The following SWT1 variants were observed in gnomAD, a reference collection of about 807,000 sequenced individuals.
The protein encoded by SWT1 is SWT1 RNA endoribonuclease homolog.
SWT1 carries 33 observed loss-of-function variants against 107.3 expected under a neutral mutation model. The ratio of observed to expected loss-of-function variants is 0.31; its 90% CI spans 0.23 to 0.41. The LOEUF is 0.41. SWT1 is among the 10% of genes least tolerant of loss of function. SWT1 has a pLI of 1.00. For missense variants in SWT1, 898 were observed against 1,028.9 expected, an observed-to-expected ratio of 0.87 and a Z score of 1.74; for synonymous variants, 345 against 348.3, an observed-to-expected ratio of 0.99 and a Z score of 0.11.
In SWT1 at chr1:185,252,243, C is replaced by T. The variant is rs1385531052; in HGVS notation, c.2442-19080C>T. On this transcript the variant is annotated intron_variant, in intron 16 of 18. Transcript: ENST00000367500. ...TGTGAATAATGCTGCAATAAACATA[C>T]GTGTGCATGTGTCTTTATAGCAGCA... Among the ~76,000 whole-genome samples the T allele has an allele frequency of 1.8e-4, 27 of 152,140 alleles. No homozygotes were observed. In the East Asian group the frequency reaches 2.7e-3, roughly 15 times the overall value.
At position 185,291,387 on chromosome 1, in the gene SWT1, C is replaced by T. The variant is rs1274275219; in HGVS notation, c.*584C>T. On this transcript the variant is annotated 3_prime_UTR_variant, in exon 19 of 19. Coordinates refer to ENST00000367500, the MANE Select transcript of SWT1 (RefSeq NM_017673.7). ...CTCCTACTTCCTTATACAGCCTTTC[C>T]TTCTGTGGGCTTGTCACTTTTCAGT... 6.6e-6 allele frequency: 1 copy of T among 152,516 alleles called. No individual in the cohort carries two copies. The highest frequency in any genetic ancestry group is 1.5e-5 in the Non-Finnish European group (1 of 68,022). 9.4% of individuals were successfully genotyped at this position (152,516 alleles called of 1,614,324 possible).
Position 185,206,636 on chromosome 1 carries a change from G to A in SWT1, c.1845G>A (p.Leu615=). ...FGNLWMEILY[L]KPPWTLLHLL... is the part of the protein sequence containing the mutation. ...TACATACTCTTTAGATCCTGTACCT[G>A]AAACCACCATGGACTCTACTACATT... The change falls in exon 13 of 19, where the codon CTG becomes CTA. Residue 615 remains leucine, a synonymous_variant. Coordinates refer to ENST00000367500, the MANE Select transcript of SWT1 (RefSeq NM_017673.7). 2 of 1,549,886 alleles carry A rather than the reference G, an allele frequency of 1.3e-6. No individual in the cohort carries two copies. The highest frequency in any genetic ancestry group is 8.7e-7 in the Non-Finnish European group (1 of 1,152,292).
chr1:185,175,228 G>C (rs563994271), intron 5 of SWT1, 115 bp downstream of exon 5: 2 of 963,502 alleles, frequency 2.1e-6, no homozygotes, highest in African/African-American at 1.8e-5. Flanking sequence ...GTTGTTGTTT[G>C]TTTTTTGTTT....
rs556969408 is a variant in SWT1 at position 185,207,046 on chromosome 1, T to A, written c.1972+283T>A. On this transcript the variant is annotated intron_variant, in intron 13 of 18. Coordinates refer to ENST00000367500, the MANE Select transcript of SWT1 (RefSeq NM_017673.7). ...ATTGTGAATATATAATTTTTGATGA[T>A]GTCTACTTTGAAAACTTTTAAAACC... Among the ~76,000 whole-genome samples, 34 of 152,354 alleles carry A rather than the reference T, an allele frequency of 2.2e-4. 1 individual carries two copies. The South Asian group carries it at 6.6e-3, about 30-fold the overall frequency.
chr1:185,158,509 C>CT (rs145202662), intron 1 of SWT1, among the ~76,000 whole-genome samples: 14,945 of 138,166 alleles, frequency 0.11, 1,008 homozygotes, highest in African/African-American at 0.21. Context: ...GTTCTCATTT[C>CT]TTTTTTTTTT....
chr1:185,173,609 T>C lies in SWT1; in HGVS notation c.225-763T>C, dbSNP rs1401840263. 3.3e-5 allele frequency among the ~76,000 whole-genome samples: 5 copies of C among 151,272 alleles called. No homozygotes were observed. In the East Asian group the frequency reaches 9.7e-4, roughly 29 times the overall value. On this transcript the variant is annotated intron_variant, in intron 4 of 18. Coordinates refer to ENST00000367500, the MANE Select transcript of SWT1 (RefSeq NM_017673.7). The stretch of plus-strand genomic sequence containing the variant: ...CTGTAGTGCCAGCTACTCAGGAGGC[T>C]GAGGCAGGAGGATCTCTTGAGCCTG...
intron 16 of SWT1, among the ~76,000 whole-genome samples, chr1:185,248,152 G>A (rs1661740002): frequency 1.3e-5 from 2 of 152,190 alleles, no homozygotes; most frequent in South Asian, 2.1e-4. Context: ...ACCCTGTAAT[G>A]TATTTCCCGT....
intron 10 of SWT1, among the ~76,000 whole-genome samples, chr1:185,195,559 A>T (rs1657316052): frequency 6.6e-6 from 1 of 152,156 alleles, no homozygotes; most frequent in Non-Finnish European, 1.5e-5. Flanking sequence ...TTCTAGATGC[A>T]TGAGGAATCG....
At chr1:185,182,619 T>G (rs1242492901) in intron 7 of SWT1, among the ~76,000 whole-genome samples, 1 of 145,042 alleles carries the variant, frequency 6.9e-6, no homozygotes, top group Non-Finnish European at 1.5e-5. Context: ...GTGCCAAGAT[T>G]GTGCCACTGC....
chr1:185,196,035 G>A (rs1657357223), intron 10 of SWT1, among the ~76,000 whole-genome samples: 1 of 152,144 alleles, frequency 6.6e-6, no homozygotes, highest in Non-Finnish European at 1.5e-5. Context: ...TGTTGCCATT[G>A]CTTTTGGTGT....
At chr1:185,192,082 T>C (rs1657002279) in intron 10 of SWT1, among the ~76,000 whole-genome samples, 1 of 152,200 alleles carries the variant, frequency 6.6e-6, no homozygotes, top group South Asian at 2.1e-4. Context: ...TAATGTCAAT[T>C]GATAGTGATA....
intron 10 of SWT1, among the ~76,000 whole-genome samples, chr1:185,201,465 C>T (rs1657875484): frequency 6.6e-6 from 1 of 152,172 alleles, no homozygotes; most frequent in African/African-American, 2.4e-5. Context: ...CACCGTTCCT[C>T]AGGGCACAGT....
At chr1:185,173,308 T>C (rs2102339942) in intron 4 of SWT1, among the ~76,000 whole-genome samples, 1 of 152,200 alleles carries the variant, frequency 6.6e-6, no homozygotes, top group Admixed American at 6.5e-5. Flanking sequence ...TATTAATTTT[T>C]AATACGCTAA....
At chr1:185,247,091 C>T (rs1235807496) in intron 16 of SWT1, among the ~76,000 whole-genome samples, 1 of 152,132 alleles carries the variant, frequency 6.6e-6, no homozygotes, top group Non-Finnish European at 1.5e-5. Context: ...TTGTTGGAAT[C>T]CCTTAAACTG....
intron 16 of SWT1, chr1:185,262,269 G>A (rs994328409): frequency 1.3e-5 from 2 of 152,198 alleles, no homozygotes; most frequent in African/African-American, 2.4e-5. Context: ...GCCTCACTAA[G>A]TAGAAAAATG....
intron 16 of SWT1, among the ~76,000 whole-genome samples, chr1:185,234,016 T>A (rs887237942): frequency 6.6e-6 from 1 of 152,184 alleles, no homozygotes; most frequent in Admixed American, 6.5e-5. Flanking sequence ...AGTGCTGGGA[T>A]TACAGGCGTG....
chr1:185,182,511 TAA>T (rs1202495262), intron 7 of SWT1, among the ~76,000 whole-genome samples: 1 of 151,218 alleles, frequency 6.6e-6, no homozygotes, highest in African/African-American at 2.4e-5. Context: ...CTACAGAAAA[TAA>T]AGTTAGCTAG....
At chr1:185,246,218 C>T (rs551503018) in intron 16 of SWT1, among the ~76,000 whole-genome samples, 26 of 152,220 alleles carry the variant, frequency 1.7e-4, no homozygotes, top group African/African-American at 6.0e-4. Flanking sequence ...CCTAAAATGC[C>T]AGTATAGTTG....
At chr1:185,216,345 T>G (rs1659214926) in intron 14 of SWT1, among the ~76,000 whole-genome samples, 1 of 152,164 alleles carries the variant, frequency 6.6e-6, no homozygotes, top group African/African-American at 2.4e-5. Context: ...ACCTTGATTG[T>G]GTTGGAAAAG....
Sources: allele counts gnomAD v4.1 joint callset (sites outside exome capture counted in the v4.1 genomes callset), GRCh38; gene constraint gnomAD v4.1.1; transcripts MANE v1.5; gene names NCBI Gene and HGNC (gene_info 2026-07-23, HGNC 2026-07-21).